ANKRD30B: variants seen among roughly 807,000 people sequenced by gnomAD.
ANKRD30B encodes ankyrin repeat domain-containing protein 30B.
A neutral mutation model predicts 202.2 loss-of-function variants in ANKRD30B; 144 were observed. The observed-to-expected ratio is 0.71, with a 90% CI of 0.62 to 0.82. ANKRD30B has a LOEUF of 0.82. Ranked by LOEUF, ANKRD30B falls within the 40% of genes least tolerant of loss-of-function variation. The probability of loss-of-function intolerance (pLI) is 0.00; values close to 1 mark genes in which losing one functional copy is unlikely to be tolerated. For synonymous variants in ANKRD30B, 508 were observed against 561.3 expected, an observed-to-expected ratio of 0.91 and a Z score of 1.34; for missense variants, 1,487 against 1,669.1, an observed-to-expected ratio of 0.89 and a Z score of 1.90.
intron 5 of ANKRD30B, 39 bp from the exon 6 acceptor site, chr18:14,760,515 T>A: frequency 8.7e-7 from 1 of 1,144,310 alleles, no homozygotes. Context: ...TTATATCTTG[T>A]TAAAATAGTA....
chr18:14,768,418 G>A (rs540371243), intron 7 of ANKRD30B, among the ~76,000 whole-genome samples: 1 of 152,220 alleles, frequency 6.6e-6, no homozygotes, highest in Non-Finnish European at 1.5e-5. Flanking sequence ...ACCCAAAGAG[G>A]GAGTCATGAG....
intron 20 of ANKRD30B, 107 bp downstream of exon 20, chr18:14,797,961 G>A (rs1969033896): frequency 9.2e-7 from 1 of 1,091,038 alleles, no homozygotes; most frequent in Non-Finnish European, 1.3e-6. Context: ...AATTTGATGG[G>A]AAAATTTGAT....
chr18:14,875,158 C>G, the ANKRD30B span, among the ~76,000 whole-genome samples: 9 of 152,182 alleles, frequency 5.9e-5, no homozygotes, highest in African/African-American at 2.2e-4. Context: ...CTCAAGGGAG[C>G]AGAAGAGCAG....
chr18:14,787,138 G>A, intron 15 of ANKRD30B, 38 bp downstream of exon 15: 1 of 1,546,216 alleles, frequency 6.5e-7, no homozygotes, highest in African/African-American at 1.4e-5. Context: ...TATTAGTATT[G>A]CATGAGATGA....
the ANKRD30B span, among the ~76,000 whole-genome samples, chr18:14,922,628 C>T: frequency 6.4e-5 from 9 of 140,788 alleles, no homozygotes; most frequent in Admixed American, 6.7e-4. Flanking sequence ...GCACTCCAGC[C>T]TGGGTGACAG....
intron 9 of ANKRD30B, among the ~76,000 whole-genome samples, chr18:14,777,542 C>A (rs185918982): frequency 3.9e-5 from 6 of 152,098 alleles, no homozygotes; most frequent in African/African-American, 1.4e-4. Flanking sequence ...GTGATCCCCC[C>A]ACCTTGGCCT....
Position 14,851,528 on chromosome 18 carries a change from G to C in ANKRD30B, c.3584G>C (p.Ser1195Thr). ...NLNQVSHTHE[S>T]ENDLFHENCM... is the part of the protein sequence containing the mutation. ...ATTTAGGTTTCTCACACTCATGAAA[G>C]TGAAAATGATCTCTTTCATGAAAAT... The change falls in exon 42 of 44, where the codon AGT becomes ACT. Residue 1195 changes from serine (S) to threonine (T), a missense_variant. By Grantham distance (58) the Ser-to-Thr change is moderately conservative (BLOSUM62 1). Coordinates refer to ENST00000690538, the MANE Select transcript of ANKRD30B (RefSeq NM_001367607.2). 6.5e-7 allele frequency: 1 copy of C among 1,544,090 alleles called. No individual in the cohort carries two copies. Among genetic ancestry groups the C allele is most frequent in the Non-Finnish European group, 8.7e-7 (1 of 1,149,996 alleles).
chr18:14,791,966 G>T (rs2143933855), intron 16 of ANKRD30B, among the ~76,000 whole-genome samples: 1 of 152,256 alleles, frequency 6.6e-6, no homozygotes, highest in East Asian at 1.9e-4. Flanking sequence ...GACTCTTCCT[G>T]TCTTTCTCAC....
In ANKRD30B at chr18:14,769,387, G is replaced by GT. The variant is rs1824114029; in HGVS notation, c.1256+20dup. ...GCCTATATTCAGGTAAGACTTTGCG[G>GT]TTTTTTAAAACGAATAGGTTAACTC... is the stretch of plus-strand genomic sequence containing the variant. On this transcript the variant is annotated intron_variant, in intron 8 of 43. Coordinates refer to ENST00000690538, the MANE Select transcript of ANKRD30B (RefSeq NM_001367607.2). 12 of 1,543,550 alleles carry GT rather than the reference G, an allele frequency of 7.8e-6. No individual in the cohort carries two copies. Among genetic ancestry groups the GT allele is most frequent in the Non-Finnish European group, 1.0e-5 (12 of 1,142,886 alleles).
At chr18:14,910,519 G>T in the ANKRD30B span, among the ~76,000 whole-genome samples, 1 of 150,110 alleles carries the variant, frequency 6.7e-6, no homozygotes, top group Non-Finnish European at 1.5e-5. Context: ...TCTTTATCCA[G>T]CCCTCCATTG....
intron 16 of ANKRD30B, among the ~76,000 whole-genome samples, chr18:14,795,359 G>C (rs893303543): frequency 3.3e-5 from 5 of 152,180 alleles, no homozygotes; most frequent in African/African-American, 9.6e-5. Flanking sequence ...ACCATACCTG[G>C]ATGATTTTTG....
chr18:14,855,690 C>T (rs1377211158), downstream of ANKRD30B, among the ~76,000 whole-genome samples: 1 of 151,044 alleles, frequency 6.6e-6, no homozygotes, highest in African/African-American at 2.4e-5. Context: ...CAGAGGCACT[C>T]CTCACCTCCC....
At chr18:14,904,761 A>G in the ANKRD30B span, among the ~76,000 whole-genome samples, 664 of 152,340 alleles carry the variant, frequency 4.4e-3, 1 homozygote, top group African/African-American at 0.015. Context: ...GTTGGATTAC[A>G]GCTTGGTTTA....
At chr18:14,910,964 G>A in the ANKRD30B span, among the ~76,000 whole-genome samples, 4 of 151,894 alleles carry the variant, frequency 2.6e-5, no homozygotes, top group African/African-American at 7.2e-5. Context: ...CCACTTTTTG[G>A]TGGGTTTGTT....
chr18:14,808,985 G>T (rs1396685274), intron 26 of ANKRD30B, among the ~76,000 whole-genome samples: 5 of 150,860 alleles, frequency 3.3e-5, no homozygotes, highest in Non-Finnish European at 7.4e-5. Flanking sequence ...GCAATGCAAT[G>T]GGGCCTTGTC....
Position 14,763,932 on chromosome 18 carries a change from A to G in ANKRD30B, c.1067A>G (p.Glu356Gly), listed in dbSNP as rs1189736829. The part of the protein sequence containing the change: ...TSEKFSWPAK[E>G]RSRKITWEEK... ...GAGAAATTTTCATGGCCAGCAAAAG[A>G]AAGATCTAGGAAGATCACATGGGAG... The change falls in exon 7 of 44, where the codon GAA becomes GGA. Residue 356 changes from glutamate (E) to glycine (G), a missense_variant. Glu to Gly is a moderately conservative substitution (Grantham distance 98, BLOSUM62 -2). Coordinates refer to ENST00000690538, the MANE Select transcript of ANKRD30B (RefSeq NM_001367607.2). 1.2e-6 allele frequency: 2 copies of G among 1,610,250 alleles called. No individual in the cohort carries two copies. The highest frequency in any genetic ancestry group is 1.7e-4 in the Middle Eastern group (1 of 6,058).
chr18:14,791,569 G>A, intron 16 of ANKRD30B, 78 bp downstream of exon 16: 2 of 1,179,426 alleles, frequency 1.7e-6, no homozygotes, highest in South Asian at 1.4e-5. Context: ...TCCTCTAATA[G>A]ATGAAGAAAA....
the ANKRD30B span, among the ~76,000 whole-genome samples, chr18:14,899,561 G>T: frequency 6.6e-6 from 1 of 151,980 alleles, no homozygotes; most frequent in Non-Finnish European, 1.5e-5. Context: ...CATTGCAGGG[G>T]TAGAGAGTCA....
intron 9 of ANKRD30B, among the ~76,000 whole-genome samples, chr18:14,774,751 CT>C: frequency 6.6e-6 from 1 of 151,388 alleles, no homozygotes; most frequent in East Asian, 1.9e-4. Flanking sequence ...TGTAATTTAA[CT>C]TTTTAAATTT....
Sources: allele counts gnomAD v4.1 joint callset (sites outside exome capture counted in the v4.1 genomes callset), GRCh38; gene constraint gnomAD v4.1.1; transcripts MANE v1.5; gene names NCBI Gene and HGNC (gene_info 2026-07-23, HGNC 2026-07-21).